The following DNAAF6 variants were observed in gnomAD, a reference collection of about 807,000 sequenced individuals.
DNAAF6 encodes dynein axonemal assembly factor 6.
Under a neutral mutation model 13.7 loss-of-function variants are expected in DNAAF6, and 3 were observed. The observed-to-expected ratio is 0.22, with a 90% CI of 0.10 to 0.56. The LOEUF (loss-of-function observed/expected upper bound fraction) is 0.56, where lower values mean the gene tolerates loss of function less well. Ranked by LOEUF, DNAAF6 falls within the 20% of genes least tolerant of loss-of-function variation. The pLI is 0.92. For synonymous variants in DNAAF6, 54 were observed against 49.2 expected (o/e 1.10, Z -0.41); for missense variants, 130 against 151.0 (o/e 0.86, Z 0.73).
At chrX:107,215,272 A>G (rs1927952784) in intron 2 of DNAAF6, among the ~76,000 whole-genome samples, 1 of 111,076 alleles carries the variant, frequency 9.0e-6, no homozygotes, top group Non-Finnish European at 1.9e-5. Flanking sequence ...AAGTATACCA[A>G]TTTTTGTCAA....
Position 107,239,190 on chromosome X carries a change from CT to C in DNAAF6, c.515+189del, listed in dbSNP as rs773894645. ...ATAAATATGTTTGGAAATACTTGGA[CT>C]TTTTTCTACTTTGCATCCGTGCATT... On this transcript the variant is annotated intron_variant, in intron 6 of 6. Transcript: ENST00000372453. 1.9e-4 allele frequency among the ~76,000 whole-genome samples: 21 copies of C among 111,672 alleles called. No individual in the cohort carries two copies. In the East Asian group the frequency reaches 5.1e-3, roughly 27 times the overall value.
At chrX:107,235,407 A>AT (rs760648511) in intron 5 of DNAAF6, among the ~76,000 whole-genome samples, 10 of 110,984 alleles carry the variant, frequency 9.0e-5, no homozygotes, top group East Asian at 8.5e-4. Context: ...AACTAATAAG[A>AT]TTTTTTTTAA....
At position 107,239,110 on chromosome X, in the gene DNAAF6, C is replaced by A; in HGVS notation, c.515+103C>A. The A allele has an allele frequency of 3.9e-6, 4 of 1,023,684 alleles. No homozygotes were observed. In the South Asian group the frequency reaches 1.4e-4, roughly 36 times the overall value. 84.4% of individuals were successfully genotyped at this position (1,023,684 alleles called of 1,213,427 possible). ...AGTTATTTTGTATCACCCCTAAAGT[C>A]TGAAGAAAAGTGGAAAATTTTGTAT... On this transcript the variant is annotated intron_variant, in intron 6 of 6. Coordinates refer to ENST00000372453, the MANE Select transcript of DNAAF6 (RefSeq NM_173494.2).
chrX:107,212,405 A>G (rs1384825181), intron 1 of DNAAF6, among the ~76,000 whole-genome samples: 1 of 111,295 alleles, frequency 9.0e-6, no homozygotes, highest in Non-Finnish European at 1.9e-5. Flanking sequence ...TCTATAGGCC[A>G]GCGTCCTTCT....
In DNAAF6 at chrX:107,238,999, T is replaced by G. The variant is rs1308300250; in HGVS notation, c.507T>G (p.Thr169=). Reference sequence around the variant, plus strand: ...AGGAAACAATCCTTGACCTTCGTACTCCTCAGAAGTGAGTAAAACTTAGAA... The same window carrying G: ...AGGAAACAATCCTTGACCTTCGTACGCCTCAGAAGTGAGTAAAACTTAGAA... ...DIQETILDLR[T]PQKKLLITLP... The change falls in exon 6 of 7, where the codon ACT becomes ACG. Residue 169 remains threonine, a synonymous_variant. Coordinates refer to ENST00000372453, the MANE Select transcript of DNAAF6 (RefSeq NM_173494.2). 2 of 1,203,384 alleles carry G rather than the reference T, an allele frequency of 1.7e-6. No homozygotes were observed. Among genetic ancestry groups the G allele is most frequent in the Admixed American group, 4.5e-5 (2 of 44,099 alleles).
intron 5 of DNAAF6, among the ~76,000 whole-genome samples, chrX:107,229,287 G>A (rs766202262): frequency 1.0e-4 from 11 of 106,708 alleles, no homozygotes; most frequent in Non-Finnish European, 2.1e-4. Context: ...ACAGGCACGC[G>A]CCACTACGCC....
chrX:107,218,674 A>G (rs1928051194), intron 3 of DNAAF6, among the ~76,000 whole-genome samples, 190 bp from the exon 4 acceptor site: 1 of 111,094 alleles, frequency 9.0e-6, no homozygotes, highest in Non-Finnish European at 1.9e-5. Context: ...TCTACAATGT[A>G]TTGGTTCTGT....
chrX:107,236,505 T>G (rs192857628), intron 5 of DNAAF6, among the ~76,000 whole-genome samples: 1 of 112,004 alleles, frequency 8.9e-6, no homozygotes, highest in African/African-American at 3.2e-5. Flanking sequence ...CTATTAAGAT[T>G]CCTCATTGAG....
chrX:107,240,924 C>A (rs1001496804), intron 6 of DNAAF6, among the ~76,000 whole-genome samples: 3 of 111,643 alleles, frequency 2.7e-5, no homozygotes, highest in African/African-American at 9.7e-5. Context: ...ATTACTCACA[C>A]ATTTGCTGTG....
chrX:107,243,081 C>A, intron 6 of DNAAF6, 88 bp from the exon 7 acceptor site: 1 of 1,014,693 alleles, frequency 9.9e-7, no homozygotes, highest in Non-Finnish European at 1.3e-6. Context: ...TTCTAACACT[C>A]TAGTGGCATA....
chrX:107,229,127 C>CTATTTTTTTTTTTTTTTTTT (rs1928322422), intron 5 of DNAAF6, among the ~76,000 whole-genome samples: 1 of 51,586 alleles, frequency 1.9e-5, no homozygotes, highest in African/African-American at 1.1e-4. Context: ...GTTGACTACT[C>CTATTTTTTTTTTTTTTTTTT]TTTTTTTTTT....
Position 107,243,514 on chromosome X carries a change from A to T in DNAAF6, c.*216A>T, listed in dbSNP as rs1928666411. ...GCCAGGTGCAATGGCTCATGCCTGT[A>T]ATCCCAACACTTTGGGAGGCCGAAG... On this transcript the variant is annotated 3_prime_UTR_variant, in exon 7 of 7. Coordinates refer to ENST00000372453, the MANE Select transcript of DNAAF6 (RefSeq NM_173494.2). The T allele has an allele frequency of 8.0e-6, 3 of 372,743 alleles. No individual in the cohort carries two copies. The Admixed American group carries it at 1.8e-4, about 22-fold the overall frequency. 30.7% of individuals were successfully genotyped at this position (372,743 alleles called of 1,213,427 possible).
At chrX:107,212,811 T>C in intron 1 of DNAAF6, 62 bp from the exon 2 acceptor site, 1 of 1,070,592 alleles carries the variant, frequency 9.3e-7, no homozygotes. Context: ...CAATAAAACA[T>C]CTTCATGTCT....
At chrX:107,236,722 C>T (rs1928523046) in intron 5 of DNAAF6, among the ~76,000 whole-genome samples, 1 of 112,032 alleles carries the variant, frequency 8.9e-6, no homozygotes, top group Non-Finnish European at 1.9e-5. Flanking sequence ...CTATTTTTGT[C>T]TTTCTCAATT....
At chrX:107,239,632 G>A (rs751895536) in intron 6 of DNAAF6, among the ~76,000 whole-genome samples, 1 of 111,054 alleles carries the variant, frequency 9.0e-6, no homozygotes, top group African/African-American at 3.3e-5. Context: ...CTCCTTTGTT[G>A]AGCTTAGGAC....
intron 6 of DNAAF6, among the ~76,000 whole-genome samples, chrX:107,242,370 T>C (rs1928641209): frequency 8.9e-6 from 1 of 112,452 alleles, no homozygotes; most frequent in Admixed American, 9.4e-5. Context: ...TTTACTTATT[T>C]GGATATTATA....
intron 5 of DNAAF6, among the ~76,000 whole-genome samples, chrX:107,224,284 TCATGGACAC>T (rs1385831983): frequency 8.9e-6 from 1 of 111,745 alleles, no homozygotes; most frequent in Non-Finnish European, 1.9e-5. Flanking sequence ...TTGGGATAAG[TCATGGACAC>T]CACTGAAAGG....
At chrX:107,235,969 TA>T (rs1279833056) in intron 5 of DNAAF6, among the ~76,000 whole-genome samples, 76 of 69,460 alleles carry the variant, frequency 1.1e-3, no homozygotes, top group Non-Finnish European at 1.8e-3. Flanking sequence ...TCTACAAAAA[TA>T]AAAATAAAAA....
intron 2 of DNAAF6, among the ~76,000 whole-genome samples, chrX:107,216,257 TAA>T (rs1927979147): frequency 2.7e-5 from 3 of 111,740 alleles, no homozygotes; most frequent in Non-Finnish European, 3.8e-5. Flanking sequence ...TTTATTTCTA[TAA>T]AACTTTCACA....
Sources: gnomAD v4.1 joint callset for allele counts (sites outside exome capture counted in the v4.1 genomes callset) on GRCh38, gnomAD v4.1.1 for gene constraint, MANE v1.5 for transcripts, NCBI Gene and HGNC (gene_info 2026-07-23, HGNC 2026-07-21) for gene names.